TMCC1: variants seen among roughly 807,000 people sequenced by gnomAD.
The protein encoded by TMCC1 is transmembrane and coiled-coil domain family 1.
A neutral mutation model predicts 52.4 loss-of-function variants in TMCC1; 15 were observed. The ratio of observed to expected loss-of-function variants is 0.29; its 90% CI spans 0.19 to 0.44. The LOEUF (loss-of-function observed/expected upper bound fraction) is 0.44, where lower values mean the gene tolerates loss of function less well. TMCC1 is among the 20% of genes least tolerant of loss of function. The pLI, the probability that TMCC1 is intolerant of heterozygous loss-of-function variation, is 1.00. For synonymous variants in TMCC1, 279 were observed against 301.9 expected, an observed-to-expected ratio of 0.92 and a Z score of 0.79; for missense variants, 503 against 806.0, an observed-to-expected ratio of 0.62 and a Z score of 4.55.
chr3:129,674,265 C>T (rs960843634), intron 4 of TMCC1, among the ~76,000 whole-genome samples: 4 of 152,204 alleles, frequency 2.6e-5, no homozygotes, highest in Non-Finnish European at 5.9e-5. Flanking sequence ...ATCTGACTTC[C>T]GTCCTACTTG....
intron 4 of TMCC1, among the ~76,000 whole-genome samples, chr3:129,796,782 A>G (rs2056856496): frequency 6.6e-6 from 1 of 152,238 alleles, no homozygotes; most frequent in South Asian, 2.1e-4. Context: ...TTGACGCTGC[A>G]GTGAGGCATG....
chr3:129,716,356 T>C (rs1424338983), intron 4 of TMCC1, among the ~76,000 whole-genome samples: 2 of 142,298 alleles, frequency 1.4e-5, no homozygotes, highest in Non-Finnish European at 3.1e-5. Flanking sequence ...TTTTTTTGAG[T>C]TGGAGTCTCG....
intron 4 of TMCC1, among the ~76,000 whole-genome samples, chr3:129,813,940 T>C (rs925159315): frequency 1.3e-5 from 2 of 152,100 alleles, no homozygotes; most frequent in African/African-American, 4.8e-5. Flanking sequence ...ATAAACACTT[T>C]AATTGTTCAT....
At chr3:129,840,557 A>AC (rs1487154406) in intron 2 of TMCC1, among the ~76,000 whole-genome samples, 1 of 152,124 alleles carries the variant, frequency 6.6e-6, no homozygotes, top group African/African-American at 2.4e-5. Flanking sequence ...CTGTGTCCCT[A>AC]CCCAAATCTC....
At position 129,880,501 on chromosome 3, in the gene TMCC1, G is replaced by A. The variant is rs1011852571; in HGVS notation, c.-376C>T. ...TTGTGACCAAAGGCAACTGTTCACC[G>A]AGCGTCAGCATCTGAAGAAAGTGCT... is the stretch of plus-strand genomic sequence containing the variant. On this transcript the variant is annotated 5_prime_UTR_variant, in exon 2 of 7. Coordinates refer to ENST00000393238, the MANE Select transcript of TMCC1 (RefSeq NM_001017395.5). The A allele has an allele frequency of 4.6e-5, 7 of 152,166 alleles. No individual in the cohort carries two copies. The highest frequency in any genetic ancestry group is 2.1e-4 in the South Asian group (1 of 4,834). The allele number at this position is 152,166 out of a possible 1,614,324, so 9.4% of individuals were successfully genotyped here. A position where few individuals can be genotyped will look rare whatever the true frequency, so the allele number is the denominator to read the frequency against.
intron 4 of TMCC1, among the ~76,000 whole-genome samples, chr3:129,696,168 T>G (rs913750161): frequency 6.6e-6 from 1 of 152,202 alleles, no homozygotes; most frequent in Non-Finnish European, 1.5e-5. Flanking sequence ...TAGGAAACAT[T>G]TGTCACCTAT....
intron 4 of TMCC1, among the ~76,000 whole-genome samples, chr3:129,726,894 A>AAAAAAAAAAAAAAAAAAAAAAAT (rs2050145668): frequency 7.0e-6 from 1 of 143,670 alleles, no homozygotes; most frequent in Non-Finnish European, 1.5e-5. Flanking sequence ...AAAAAAAAAA[A>AAAAAAAAAAAAAAAAAAAAAAAT]AAAAGAACCA....
intron 2 of TMCC1, among the ~76,000 whole-genome samples, chr3:129,844,408 G>C (rs1244955251): frequency 6.6e-6 from 1 of 152,112 alleles, no homozygotes; most frequent in Non-Finnish European, 1.5e-5. Context: ...GGATCTTTTG[G>C]GTAAAACTGG....
intron 4 of TMCC1, among the ~76,000 whole-genome samples, chr3:129,676,533 A>C (rs961168677): frequency 6.6e-6 from 1 of 152,230 alleles, no homozygotes; most frequent in Non-Finnish European, 1.5e-5. Context: ...AAACAGCAAC[A>C]CCTCAACATA....
chr3:129,684,135 G>A (rs1335922713), intron 4 of TMCC1, among the ~76,000 whole-genome samples: 4 of 152,294 alleles, frequency 2.6e-5, no homozygotes, highest in African/African-American at 9.6e-5. Flanking sequence ...TAAATGGTAT[G>A]GACTTCAGAG....
chr3:129,800,925 A>ATTTTTTTTTTTTTTTTTTTTTTTTT, intron 4 of TMCC1, among the ~76,000 whole-genome samples: 1 of 117,962 alleles, frequency 8.5e-6, no homozygotes, highest in Non-Finnish European at 1.7e-5. Flanking sequence ...ATCTCACACT[A>ATTTTTTTTTTTTTTTTTTTTTTTTT]TTTTTTTTTT....
chr3:129,881,350 A>T (rs570287584), intron 1 of TMCC1, among the ~76,000 whole-genome samples: 2 of 152,290 alleles, frequency 1.3e-5, no homozygotes, highest in Non-Finnish European at 2.9e-5. Flanking sequence ...TTTTTGTAGC[A>T]AAATCATGGT....
chr3:129,700,774 CAAAA>C (rs568879021), intron 4 of TMCC1, among the ~76,000 whole-genome samples: 1 of 99,588 alleles, frequency 1.0e-5, no homozygotes. Context: ...TGCGCCCAGC[CAAAA>C]AAAAAAAAAA....
At chr3:129,712,168 CTCTT>C (rs1230167208) in intron 4 of TMCC1, among the ~76,000 whole-genome samples, 1 of 152,076 alleles carries the variant, frequency 6.6e-6, no homozygotes, top group African/African-American at 2.4e-5. Context: ...CAGAGCGAGA[CTCTT>C]TCTCAAAATA....
chr3:129,875,247 G>T (rs2061138882), intron 2 of TMCC1, among the ~76,000 whole-genome samples: 1 of 151,766 alleles, frequency 6.6e-6, no homozygotes, highest in African/African-American at 2.4e-5. Flanking sequence ...CCAGCACTGT[G>T]GGAGGCTGAG....
chr3:129,678,960 C>T (rs780178307), intron 4 of TMCC1, among the ~76,000 whole-genome samples: 58 of 152,190 alleles, frequency 3.8e-4, no homozygotes, highest in Non-Finnish European at 8.1e-4. Flanking sequence ...TTACGACACT[C>T]TTTTTATACC....
intron 4 of TMCC1, among the ~76,000 whole-genome samples, chr3:129,699,251 C>T (rs1017976186): frequency 3.3e-5 from 5 of 152,160 alleles, no homozygotes; most frequent in African/African-American, 1.2e-4. Context: ...GAACAAGATA[C>T]AGGTCATCAA....
At position 129,654,830 on chromosome 3, in the gene TMCC1, A is replaced by G. The variant is rs2086568894; in HGVS notation, c.1647+138T>C. The G allele has an allele frequency of 4.1e-6, 5 of 1,220,542 alleles. No homozygotes were observed. In the South Asian group the frequency reaches 8.6e-5, roughly 21 times the overall value. 75.6% of individuals were successfully genotyped at this position (1,220,542 alleles called of 1,614,324 possible). A position where few individuals can be genotyped will look rare whatever the true frequency, so the allele number is the denominator to read the frequency against. ...TGAGAAATGCATCTCAATCATTTTA[A>G]GAGTAGGTATACTCTTACACAGTTG... is the stretch of plus-strand genomic sequence containing the variant. On this transcript the variant is annotated intron_variant, in intron 6 of 6. Transcript: ENST00000393238.
At chr3:129,862,449 T>C (rs923684352) in intron 2 of TMCC1, among the ~76,000 whole-genome samples, 7 of 152,238 alleles carry the variant, frequency 4.6e-5, no homozygotes, top group African/African-American at 1.7e-4. Flanking sequence ...CTGTACTATC[T>C]GTAATATTCC....
Sources: gnomAD v4.1 joint callset for allele counts (sites outside exome capture counted in the v4.1 genomes callset) on GRCh38, gnomAD v4.1.1 for gene constraint, MANE v1.5 for transcripts, NCBI Gene and HGNC (gene_info 2026-07-23, HGNC 2026-07-21) for gene names.